CCSER1: variants seen among roughly 807,000 people sequenced by gnomAD.
CCSER1 encodes the protein serine-rich coiled-coil domain-containing protein 1.
In CCSER1, 41 loss-of-function variants were observed where a neutral mutation model predicts 82.0. The ratio of observed to expected loss-of-function variants is 0.50; its 90% CI spans 0.39 to 0.65. CCSER1 has a LOEUF of 0.65. Ranked by LOEUF, CCSER1 falls within the 30% of genes least tolerant of loss-of-function variation. CCSER1 has a pLI of 0.00. For synonymous variants in CCSER1, 414 were observed against 383.9 expected, an observed-to-expected ratio of 1.08 and a Z score of -0.92; for missense variants, 1,119 against 1,064.2, an observed-to-expected ratio of 1.05 and a Z score of -0.72.
chr4:90,221,896 T>G (rs1315100927), intron 1 of CCSER1, among the ~76,000 whole-genome samples: 1 of 152,180 alleles, frequency 6.6e-6, no homozygotes, highest in African/African-American at 2.4e-5. Context: ...TTATTACCAC[T>G]AATTGAATAA....
At chr4:90,375,875 A>G (rs1229128961) in intron 3 of CCSER1, among the ~76,000 whole-genome samples, 1 of 152,186 alleles carries the variant, frequency 6.6e-6, no homozygotes, top group Non-Finnish European at 1.5e-5. Context: ...AACTAGGACT[A>G]GATTCAAGTA....
At chr4:90,830,710 T>C (rs1467329551) in intron 8 of CCSER1, among the ~76,000 whole-genome samples, 46 of 152,292 alleles carry the variant, frequency 3.0e-4, no homozygotes, top group Non-Finnish European at 1.3e-4. Context: ...TGAACTTGAA[T>C]CAGTAAAGTC....
chr4:91,431,609 G>A (rs1474110247), intron 10 of CCSER1, among the ~76,000 whole-genome samples: 6 of 151,692 alleles, frequency 4.0e-5, no homozygotes, highest in South Asian at 2.1e-4. Flanking sequence ...CTGGGATTAC[G>A]GGCATGCACC....
intron 5 of CCSER1, among the ~76,000 whole-genome samples, chr4:90,557,840 T>A (rs943254024): frequency 1.3e-5 from 2 of 152,138 alleles, no homozygotes; most frequent in African/African-American, 4.8e-5. Flanking sequence ...ACGTATTTAG[T>A]ACCATAGCCT....
chr4:90,949,977 A>G (rs1022605917), intron 9 of CCSER1, among the ~76,000 whole-genome samples: 1 of 152,230 alleles, frequency 6.6e-6, no homozygotes, highest in East Asian at 1.9e-4. Context: ...TCTGACAATA[A>G]AGACTAAGCC....
chr4:91,478,137 C>G (rs1757694072), intron 10 of CCSER1, among the ~76,000 whole-genome samples: 1 of 151,654 alleles, frequency 6.6e-6, no homozygotes, highest in Non-Finnish European at 1.5e-5. Flanking sequence ...AAAAGTCTTT[C>G]AAAAAAATCT....
At chr4:91,174,617 A>G (rs1358894111) in intron 10 of CCSER1, among the ~76,000 whole-genome samples, 1 of 152,094 alleles carries the variant, frequency 6.6e-6, no homozygotes, top group African/African-American at 2.4e-5. Flanking sequence ...AAGCTACTAT[A>G]CTTTAAAATT....
intron 5 of CCSER1, among the ~76,000 whole-genome samples, chr4:90,599,645 C>T (rs1413716748): frequency 6.6e-6 from 1 of 152,106 alleles, no homozygotes; most frequent in Non-Finnish European, 1.5e-5. Flanking sequence ...AATGTGTTTT[C>T]TTCTCTTCTT....
At chr4:90,862,579 T>A (rs1166292093) in intron 8 of CCSER1, among the ~76,000 whole-genome samples, 2 of 151,920 alleles carry the variant, frequency 1.3e-5, no homozygotes, top group Non-Finnish European at 2.9e-5. Context: ...ATGAAACAAC[T>A]CTATCACTTA....
intron 6 of CCSER1, among the ~76,000 whole-genome samples, chr4:90,714,499 A>G (rs890075007): frequency 6.6e-6 from 1 of 152,020 alleles, no homozygotes; most frequent in Non-Finnish European, 1.5e-5. Flanking sequence ...GATTCAAGTC[A>G]TAGACCAAAA....
chr4:90,870,083 T>A (rs1312181300), intron 8 of CCSER1, among the ~76,000 whole-genome samples: 1 of 151,802 alleles, frequency 6.6e-6, no homozygotes. Flanking sequence ...ATCAGTTTGA[T>A]TGTTTTTAGT....
At chr4:90,706,231 A>C (rs907956493) in intron 6 of CCSER1, among the ~76,000 whole-genome samples, 1 of 152,200 alleles carries the variant, frequency 6.6e-6, no homozygotes, top group African/African-American at 2.4e-5. Flanking sequence ...CTAATGGACT[A>C]AGACTGAAAA....
chr4:90,707,914 G>A (rs1248514034), intron 6 of CCSER1, among the ~76,000 whole-genome samples: 3 of 152,076 alleles, frequency 2.0e-5, no homozygotes, highest in African/African-American at 4.8e-5. Context: ...CACAGCTTTC[G>A]GTTTACAAGC....
chr4:90,999,079 T>C (rs1302405563), intron 9 of CCSER1, among the ~76,000 whole-genome samples: 1 of 152,224 alleles, frequency 6.6e-6, no homozygotes, highest in Non-Finnish European at 1.5e-5. Context: ...TTTTCATGGC[T>C]CCATAGTATT....
At chr4:90,708,058 C>T (rs1428698035) in intron 6 of CCSER1, among the ~76,000 whole-genome samples, 1 of 152,118 alleles carries the variant, frequency 6.6e-6, no homozygotes, top group Non-Finnish European at 1.5e-5. Context: ...CAACCAGCAG[C>T]AGTTTGCACC....
intron 10 of CCSER1, among the ~76,000 whole-genome samples, chr4:91,403,534 T>G (rs1752481780): frequency 6.6e-6 from 1 of 152,192 alleles, no homozygotes; most frequent in Non-Finnish European, 1.5e-5. Context: ...TGTGGGTTTG[T>G]CATAAATAGC....
intron 5 of CCSER1, among the ~76,000 whole-genome samples, chr4:90,469,587 G>A (rs1045537885): frequency 1.4e-5 from 2 of 146,364 alleles, no homozygotes; most frequent in African/African-American, 5.2e-5. Flanking sequence ...CTTTTATTTA[G>A]GGTGATATCA....
intron 5 of CCSER1, among the ~76,000 whole-genome samples, chr4:90,520,461 CT>C (rs975044773): frequency 3.3e-5 from 5 of 152,062 alleles, no homozygotes; most frequent in African/African-American, 4.8e-5. Context: ...TTCTTTGTTG[CT>C]TTTACTAACA....
chr4:91,200,536 C>G (rs570998015), intron 10 of CCSER1, among the ~76,000 whole-genome samples: 27 of 151,976 alleles, frequency 1.8e-4, no homozygotes, highest in Non-Finnish European at 3.4e-4. Context: ...TACATAGAAG[C>G]CTTCAAAGCT....
Sources: allele counts gnomAD v4.1 joint callset (sites outside exome capture counted in the v4.1 genomes callset), GRCh38; gene constraint gnomAD v4.1.1; transcripts MANE v1.5; gene names NCBI Gene and HGNC (gene_info 2026-07-23, HGNC 2026-07-21).